The following TAFA3 variants were observed in gnomAD, a reference collection of about 807,000 sequenced individuals.
The protein encoded by TAFA3 is chemokine-like protein TAFA-3.
In TAFA3, 17 loss-of-function variants were observed where a neutral mutation model predicts 20.7. That is an observed-to-expected ratio of 0.82 (90% CI 0.56 to 1.23). The LOEUF is 1.23. Ranked by LOEUF, TAFA3 falls within the 50% of genes most tolerant of loss-of-function variation. The probability of loss-of-function intolerance (pLI) is 0.00; values close to 1 mark genes in which losing one functional copy is unlikely to be tolerated. For synonymous variants in TAFA3, 74 were observed against 71.8 expected, an observed-to-expected ratio of 1.03 and a Z score of -0.16; for missense variants, 174 against 172.8, an observed-to-expected ratio of 1.01 and a Z score of -0.04.
chr1:112,724,064 GGGA>G lies in TAFA3; in HGVS notation c.322_324del (p.Glu108del). 6.2e-7 allele frequency: 1 copy of G among 1,613,796 alleles called. No homozygotes were observed. Among genetic ancestry groups the G allele is most frequent in the Admixed American group, 1.7e-5 (1 of 60,028 alleles). On this transcript the variant is annotated inframe_deletion, in exon 5 of 6. Coordinates refer to ENST00000361886, the MANE Select transcript of TAFA3 (RefSeq NM_182759.3). Reference sequence around the variant, plus strand: ...TGTCAGATGGAGCCCTGCCTGCCGGGGGAGGAGTGTAAGGTGCTCCCGGACCTG... The same window carrying G: ...TGTCAGATGGAGCCCTGCCTGCCGGGGGAGTGTAAGGTGCTCCCGGACCTG...
In TAFA3 at chr1:112,723,036, T is replaced by C; in HGVS notation, c.136T>C (p.Cys46Arg). The C allele has an allele frequency of 6.2e-7, 1 of 1,612,762 alleles. No homozygotes were observed. The highest frequency in any genetic ancestry group is 8.5e-7 in the Non-Finnish European group (1 of 1,179,546). ...CTCAGTGCTTGTGCAGCAGGGCACC[T>C]GCGAGGTGATTGCGGCTCACCGCTG... ...TATVLVQQGT[C>R]EVIAAHRCCN... Residue 46 changes from cysteine to arginine, a missense_variant, in exon 4 of 6, where the codon TGC (cysteine) becomes CGC (arginine). Coordinates refer to ENST00000361886, the MANE Select transcript of TAFA3 (RefSeq NM_182759.3).
At chr1:112,719,995 T>C (rs1675290686) in intron 1 of TAFA3, among the ~76,000 whole-genome samples, 1 of 152,104 alleles carries the variant, frequency 6.6e-6, no homozygotes, top group Non-Finnish European at 1.5e-5. Context: ...GAGAGGTTCT[T>C]AGGGAGAAAT....
At chr1:112,724,423 A>G (rs989349848) in intron 5 of TAFA3, among the ~76,000 whole-genome samples, 6 of 152,018 alleles carry the variant, frequency 3.9e-5, no homozygotes, top group African/African-American at 7.2e-5. Context: ...TCAGGCCTAT[A>G]AAAACATAGT....
chr1:112,724,773 G>A (rs1248530117), intron 5 of TAFA3, among the ~76,000 whole-genome samples: 19 of 59,266 alleles, frequency 3.2e-4, no homozygotes, highest in African/African-American at 1.1e-3. Flanking sequence ...ACCCTAAAAC[G>A]TAAAGTATAA....
intron 5 of TAFA3, among the ~76,000 whole-genome samples, chr1:112,724,816 CAAAAAAAA>C: frequency 0.014 from 308 of 22,680 alleles, 2 homozygotes; most frequent in African/African-American, 0.062. Flanking sequence ...ATTAGAGCAG[CAAAAAAAA>C]AAAAAAAAAA....
Position 112,726,763 on chromosome 1 carries a change from A to C in TAFA3, c.*123A>C, listed in dbSNP as rs928516504. On this transcript the variant is annotated 3_prime_UTR_variant, in exon 6 of 6. Coordinates refer to ENST00000361886, the MANE Select transcript of TAFA3 (RefSeq NM_182759.3). The stretch of plus-strand genomic sequence containing the variant: ...CATGCCTCATGTCAAATGCAGCATC[A>C]GTCTTTCCGGGGCATTTCAGTTAAG... The C allele has an allele frequency of 5.4e-6, 8 of 1,487,026 alleles. No individual in the cohort carries two copies. The African/African-American group carries it at 6.9e-5, about 13-fold the overall frequency. The allele number at this position is 1,487,026 out of a possible 1,614,324, so 92.1% of individuals were successfully genotyped here.
chr1:112,724,188 G>T (rs1011989375), intron 5 of TAFA3, 51 bp downstream of exon 5: 1 of 1,474,254 alleles, frequency 6.8e-7, no homozygotes, highest in Admixed American at 2.2e-5. Flanking sequence ...CTCTACCAAG[G>T]GCAGAAAAGG....
At chr1:112,724,764 C>A (rs1463640157) in intron 5 of TAFA3, among the ~76,000 whole-genome samples, 21 of 119,586 alleles carry the variant, frequency 1.8e-4, no homozygotes, top group African/African-American at 6.8e-4. Flanking sequence ...TGCACATGTA[C>A]CCTAAAACGT....
chr1:112,724,286 G>C, intron 5 of TAFA3, 149 bp downstream of exon 5: 4 of 748,876 alleles, frequency 5.3e-6, no homozygotes, highest in Non-Finnish European at 8.5e-6. Context: ...TCTCAGGTCT[G>C]TTCTCACTGG....
chr1:112,723,947 C>T (rs751913199), intron 4 of TAFA3, 66 bp from the exon 5 acceptor site: 3 of 1,613,530 alleles, frequency 1.9e-6, no homozygotes, highest in Non-Finnish European at 2.5e-6. Flanking sequence ...ATTCGCAGAC[C>T]TGCTCTTGGC....
At position 112,723,168 on chromosome 1, in the gene TAFA3, G is replaced by A. The variant is rs747244564; in HGVS notation, c.265+3G>A. On this transcript the variant is annotated splice_donor_region_variant and intron_variant, in intron 4 of 5. Transcript: ENST00000361886. ...GGCAAAGCCCTCCTGCGTGGACGGT[G>A]AGTGAGAGGCCAGGACCCGGGCAGG... The A allele has an allele frequency of 7.4e-6, 12 of 1,612,128 alleles. No individual in the cohort carries two copies. The highest frequency in any genetic ancestry group is 1.0e-5 in the Non-Finnish European group (12 of 1,179,504).
At chr1:112,724,233 G>A (rs1675403429) in intron 5 of TAFA3, 96 bp downstream of exon 5, 8 of 1,124,580 alleles carry the variant, frequency 7.1e-6, no homozygotes, top group African/African-American at 1.6e-5. Flanking sequence ...GGATGTCAGT[G>A]TCCCAAGGTG....
At chr1:112,724,266 C>G (rs571819206) in intron 5 of TAFA3, 129 bp downstream of exon 5, 1 of 856,446 alleles carries the variant, frequency 1.2e-6, no homozygotes, top group African/African-American at 1.7e-5. Flanking sequence ...ATGAAATTCA[C>G]AGACAGTCCT....
chr1:112,720,064 C>A (rs1307397675), intron 1 of TAFA3, among the ~76,000 whole-genome samples: 1 of 152,136 alleles, frequency 6.6e-6, no homozygotes, highest in Non-Finnish European at 1.5e-5. Flanking sequence ...GTCCCCATTC[C>A]AGCCCTCTGG....
intron 1 of TAFA3, among the ~76,000 whole-genome samples, chr1:112,720,028 C>A (rs1418760034): frequency 1.3e-5 from 2 of 152,142 alleles, no homozygotes; most frequent in Non-Finnish European, 2.9e-5. Context: ...GAGGCTGTGG[C>A]CTTCAAAGGC....
chr1:112,723,779 C>G (rs1675389690), intron 4 of TAFA3, among the ~76,000 whole-genome samples: 1 of 152,188 alleles, frequency 6.6e-6, no homozygotes, highest in African/African-American at 2.4e-5. Flanking sequence ...CTTCACCCGT[C>G]ACTGTCTGGG....
Position 112,722,300 on chromosome 1 carries a change from C to G in TAFA3, c.67C>G (p.Leu23Val). 6.2e-7 allele frequency: 1 copy of G among 1,614,040 alleles called. No individual in the cohort carries two copies. The highest frequency in any genetic ancestry group is 8.5e-7 in the Non-Finnish European group (1 of 1,180,030). ...GCTGCTGGCACTGTGCCTGGCCTGGCTGTGGACCCACCTGACCTTGGCTGC... is the reference window on the plus strand; with the variant it reads ...GCTGCTGGCACTGTGCCTGGCCTGGGTGTGGACCCACCTGACCTTGGCTGC... ...GWLLALCLAW[L>V]WTHLTLAALQ... The change falls in exon 3 of 6, where the codon CTG (leucine) becomes GTG (valine). Residue 23 changes from leucine (L) to valine (V), a missense_variant. Physicochemically the swap from Leu to Val is conservative, Grantham distance 32. Transcript: ENST00000361886.
At chr1:112,723,498 G>A (rs558922883) in intron 4 of TAFA3, among the ~76,000 whole-genome samples, 1 of 152,176 alleles carries the variant, frequency 6.6e-6, no homozygotes, top group South Asian at 2.1e-4. Context: ...GGCTGTCTCA[G>A]CCTACTCTCC....
chr1:112,722,157 T>C (rs531545293), intron 2 of TAFA3, 76 bp from the exon 3 acceptor site: 25 of 1,451,438 alleles, frequency 1.7e-5, no homozygotes, highest in Non-Finnish European at 2.4e-5. Context: ...CCAGAGTGTG[T>C]GGCACAGAGA....
Sources: allele counts gnomAD v4.1 joint callset (sites outside exome capture counted in the v4.1 genomes callset), GRCh38; gene constraint gnomAD v4.1.1; transcripts MANE v1.5; gene names NCBI Gene and HGNC (gene_info 2026-07-23, HGNC 2026-07-21).